The following ELAVL2 variants were observed in gnomAD, a reference collection of about 807,000 sequenced individuals.
ELAVL2 encodes the protein ELAV like RNA binding protein 2.
In ELAVL2, 4 loss-of-function variants were observed where a neutral mutation model predicts 34.6. The observed-to-expected ratio is 0.12, with a 90% CI of 0.06 to 0.26. The LOEUF (loss-of-function observed/expected upper bound fraction) is 0.26, where lower values mean the gene tolerates loss of function less well. Among genes scored for constraint, ELAVL2 ranks in the 10% least tolerant of loss-of-function variants. The probability of loss-of-function intolerance (pLI) is 1.00; values close to 1 mark genes in which losing one functional copy is unlikely to be tolerated. For missense variants in ELAVL2, 432 were observed against 442.8 expected, an observed-to-expected ratio of 0.98 and a Z score of 0.22; for synonymous variants, 193 against 154.8, an observed-to-expected ratio of 1.25 and a Z score of -1.83.
intron 4 of ELAVL2, among the ~76,000 whole-genome samples, chr9:23,703,197 T>C (rs1326844676): frequency 6.6e-6 from 1 of 152,202 alleles, no homozygotes; most frequent in Non-Finnish European, 1.5e-5. Context: ...CCACCTGTGA[T>C]GGACTAGCAG....
chr9:23,772,534 CAAAAAAAAAAAA>C (rs11450267), intron 1 of ELAVL2, among the ~76,000 whole-genome samples: 3 of 67,658 alleles, frequency 4.4e-5, no homozygotes, highest in South Asian at 6.3e-4. Flanking sequence ...CAGCTTACAC[CAAAAAAAAAAAA>C]AAAAAAAAAA....
chr9:23,782,080 C>T (rs1018743780), intron 1 of ELAVL2, among the ~76,000 whole-genome samples: 2 of 152,148 alleles, frequency 1.3e-5, no homozygotes, highest in Non-Finnish European at 2.9e-5. Context: ...CTCAGCCTCT[C>T]AAAGTGCTAG....
At chr9:23,803,732 G>A (rs966280323) in intron 1 of ELAVL2, among the ~76,000 whole-genome samples, 1 of 152,134 alleles carries the variant, frequency 6.6e-6, no homozygotes. Context: ...CTCTTCTCCT[G>A]GGGGGTTGCG....
rs370300128 is a variant in ELAVL2 at position 23,805,949 on chromosome 9, G to A, written c.-16+19857C>T. Among the ~76,000 whole-genome samples, 5 of 152,104 alleles carry A rather than the reference G, an allele frequency of 3.3e-5. No homozygotes were observed. In the South Asian group the frequency reaches 1.0e-3, roughly 32 times the overall value. On this transcript the variant is annotated intron_variant, in intron 1 of 6. Transcript: ENST00000397312. ...CAGCTTAGTCAAAGTGGTTACAGAAGCATCATTGTATATTTTTTTCTGGGT... is the reference window on the plus strand; with the variant it reads ...CAGCTTAGTCAAAGTGGTTACAGAAACATCATTGTATATTTTTTTCTGGGT...
intron 1 of ELAVL2, chr9:23,764,907 T>G: frequency 3.4e-6 from 4 of 1,159,638 alleles, no homozygotes; most frequent in Non-Finnish European, 5.0e-6. Flanking sequence ...TAAGAATAAT[T>G]AGTATGCCAA....
chr9:23,821,848 T>G (rs1242561065), intron 1 of ELAVL2: 1 of 151,276 alleles, frequency 6.6e-6, no homozygotes, highest in East Asian at 2.0e-4. Context: ...CCGCCGTTTG[T>G]AGCGGGGCGG....
At chr9:23,763,937 G>A (rs986090949) in intron 1 of ELAVL2, among the ~76,000 whole-genome samples, 3 of 152,118 alleles carry the variant, frequency 2.0e-5, no homozygotes, top group East Asian at 1.9e-4. Context: ...AGGGATGAAG[G>A]AAAATAAACC....
intron 1 of ELAVL2, among the ~76,000 whole-genome samples, chr9:23,782,063 C>CT (rs539765397): frequency 5.3e-5 from 8 of 152,204 alleles, no homozygotes; most frequent in Admixed American, 5.2e-4. Context: ...TCAAAGGATC[C>CT]TCCCACCTCA....
Position 23,794,114 on chromosome 9 carries a change from C to T in ELAVL2, c.-16+31692G>A, listed in dbSNP as rs998580587. The stretch of plus-strand genomic sequence containing the variant: ...AATCAAAGGGCACTGCAGTCAGCAG[C>T]ACCCAGAGATACTCCAATGTCACTG... On this transcript the variant is annotated intron_variant, in intron 1 of 6. Coordinates refer to ENST00000397312, the MANE Select transcript of ELAVL2 (RefSeq NM_004432.5). 2.0e-5 allele frequency among the ~76,000 whole-genome samples: 3 copies of T among 152,312 alleles called. No homozygotes were observed. The South Asian group carries it at 6.2e-4, about 32-fold the overall frequency.
chr9:23,725,041 T>C (rs1332565759), intron 3 of ELAVL2, among the ~76,000 whole-genome samples: 3 of 152,312 alleles, frequency 2.0e-5, no homozygotes, highest in South Asian at 2.1e-4. Flanking sequence ...TATAAATTTC[T>C]ACCCTTTGTA....
chr9:23,715,293 C>T (rs568570964), intron 3 of ELAVL2, among the ~76,000 whole-genome samples: 46 of 152,296 alleles, frequency 3.0e-4, no homozygotes, highest in African/African-American at 9.9e-4. Flanking sequence ...GGAACACAGG[C>T]GCCCGCCACC....
At chr9:23,761,702 A>G (rs1291035485) in intron 2 of ELAVL2, among the ~76,000 whole-genome samples, 1 of 152,104 alleles carries the variant, frequency 6.6e-6, no homozygotes, top group Non-Finnish European at 1.5e-5. Flanking sequence ...TCAGGGTACT[A>G]AAAGATAAAA....
intron 1 of ELAVL2, among the ~76,000 whole-genome samples, chr9:23,822,739 A>G (rs10811971): frequency 0.13 from 19,985 of 152,274 alleles, 1,765 homozygotes; most frequent in East Asian, 0.3. Context: ...AAAATACTAC[A>G]TTTAAAAAAT....
At position 23,808,804 on chromosome 9, in the gene ELAVL2, A is replaced by C. The variant is rs568736691; in HGVS notation, c.-16+17002T>G. Among the ~76,000 whole-genome samples the C allele has an allele frequency of 7.9e-5, 12 of 152,246 alleles. No homozygotes were observed. The South Asian group carries it at 2.5e-3, about 32-fold the overall frequency. On this transcript the variant is annotated intron_variant, in intron 1 of 6. Coordinates refer to ENST00000397312, the MANE Select transcript of ELAVL2 (RefSeq NM_004432.5). ...TGTTAGCCATAATGAAAAATTCCTTATGGGTAAAGTTCCAGAAAATTCCTT... is the reference window on the plus strand; with the variant it reads ...TGTTAGCCATAATGAAAAATTCCTTCTGGGTAAAGTTCCAGAAAATTCCTT...
intron 2 of ELAVL2, among the ~76,000 whole-genome samples, chr9:23,739,442 T>C (rs895438212): frequency 2.0e-5 from 3 of 152,164 alleles, no homozygotes; most frequent in African/African-American, 7.2e-5. Context: ...TTAACAACTC[T>C]AGGCTAGTCC....
At chr9:23,759,339 T>C (rs1307023289) in intron 2 of ELAVL2, among the ~76,000 whole-genome samples, 3 of 151,752 alleles carry the variant, frequency 2.0e-5, no homozygotes, top group Non-Finnish European at 4.4e-5. Context: ...ATCTCATAGG[T>C]AGAATCGAAA....
At chr9:23,849,025 A>T in the ELAVL2 span, among the ~76,000 whole-genome samples, 1 of 152,190 alleles carries the variant, frequency 6.6e-6, no homozygotes, top group Non-Finnish European at 1.5e-5. Flanking sequence ...AGGCCAAACA[A>T]TGTAGAATTC....
chr9:23,797,938 A>AAAAAG (rs1385028775), intron 1 of ELAVL2, among the ~76,000 whole-genome samples: 2 of 151,364 alleles, frequency 1.3e-5, no homozygotes, highest in Non-Finnish European at 1.5e-5. Context: ...CAAAAGAAAA[A>AAAAAG]AAAAGAAAAG....
chr9:23,719,426 G>C (rs559869483), intron 3 of ELAVL2, among the ~76,000 whole-genome samples: 2 of 152,256 alleles, frequency 1.3e-5, no homozygotes, highest in African/African-American at 4.8e-5. Context: ...ATATACTGTA[G>C]ACAATGCATA....
Sources: allele counts gnomAD v4.1 joint callset (sites outside exome capture counted in the v4.1 genomes callset), GRCh38; gene constraint gnomAD v4.1.1; transcripts MANE v1.5; gene names NCBI Gene and HGNC (gene_info 2026-07-23, HGNC 2026-07-21).